IQCH: variants seen among roughly 807,000 people sequenced by gnomAD.
The protein encoded by IQCH is IQ motif containing H.
IQCH carries 98 observed loss-of-function variants against 117.0 expected under a neutral mutation model. The observed-to-expected ratio is 0.84, with a 90% CI of 0.71 to 0.99. IQCH has a LOEUF of 0.99. IQCH is among the 50% of genes least tolerant of loss of function. IQCH has a pLI of 0.00. For synonymous variants in IQCH, 412 were observed against 448.2 expected (o/e 0.92, Z 1.02); for missense variants, 1,102 against 1,243.8 (o/e 0.89, Z 1.72).
rs550145575 is a variant in IQCH, at chr15:67,338,330, GA to G, written c.508+1243del. On this transcript the variant is annotated intron_variant, in intron 5 of 20. Coordinates refer to ENST00000335894, the MANE Select transcript of IQCH (RefSeq NM_001031715.3). ...TGTAGAATTTTGGCAACTTCATCCAGAAAAAAAATCACATTTTCATTTCTAA... is the reference window on the plus strand; with the variant it reads ...TGTAGAATTTTGGCAACTTCATCCAGAAAAAAATCACATTTTCATTTCTAA... Among the ~76,000 whole-genome samples the G allele has an allele frequency of 1.4e-3, 205 of 151,756 alleles. 1 individual carries two copies. The highest frequency in any genetic ancestry group is 4.8e-3 in the African/African-American group (200 of 41,394).
intron 4 of IQCH, among the ~76,000 whole-genome samples, chr15:67,298,381 C>T (rs1443286762): frequency 6.6e-6 from 1 of 151,482 alleles, no homozygotes; most frequent in Non-Finnish European, 1.5e-5. Flanking sequence ...GGCTTAACAT[C>T]ACTGATCATC....
rs369070017 is a variant in IQCH, at chr15:67,458,291, G to A, written c.2506-6836G>A. 3.3e-5 allele frequency among the ~76,000 whole-genome samples: 5 copies of A among 152,300 alleles called. No homozygotes were observed. In the East Asian group the frequency reaches 7.7e-4, roughly 23 times the overall value. ...AATGCTATTCTTCCATTTTCTTCAGGGTGGAAGTTTTGGAGACACCTTTGG... is the reference window on the plus strand; with the variant it reads ...AATGCTATTCTTCCATTTTCTTCAGAGTGGAAGTTTTGGAGACACCTTTGG... On this transcript the variant is annotated intron_variant, in intron 16 of 20. Transcript: ENST00000335894. The surrounding 1 kb of genome is among the most constrained non-coding windows in gnomAD (Gnocchi z 4.1).
At chr15:67,307,487 A>G (rs1967359223) in intron 4 of IQCH, among the ~76,000 whole-genome samples, 1 of 129,296 alleles carries the variant, frequency 7.7e-6, no homozygotes, top group South Asian at 2.9e-4. Flanking sequence ...AAGAAGCACT[A>G]GAAGTAAGGG....
intron 4 of IQCH, among the ~76,000 whole-genome samples, chr15:67,328,212 G>C (rs1225305346): frequency 1.3e-5 from 2 of 151,952 alleles, no homozygotes; most frequent in African/African-American, 2.4e-5. Flanking sequence ...TCAGGAGAGA[G>C]AGTCTTTTAT....
intron 14 of IQCH, among the ~76,000 whole-genome samples, chr15:67,410,063 T>C (rs566585955): frequency 6.6e-6 from 1 of 152,256 alleles, no homozygotes; most frequent in South Asian, 2.1e-4. Context: ...AAGGAATGAG[T>C]GGAAACTCCA....
At chr15:67,455,567 T>A (rs1168361137) in intron 16 of IQCH, among the ~76,000 whole-genome samples, 1 of 152,228 alleles carries the variant, frequency 6.6e-6, no homozygotes, top group African/African-American at 2.4e-5. Context: ...CTCACTGCAC[T>A]GATTAGGGCC....
chr15:67,367,716 G>A (rs1439174393), intron 8 of IQCH, among the ~76,000 whole-genome samples: 1 of 152,026 alleles, frequency 6.6e-6, no homozygotes, highest in Non-Finnish European at 1.5e-5. Context: ...TGGTACGGGG[G>A]TAGGGGTCAG....
At chr15:67,334,178 T>C (rs1968790628) in intron 4 of IQCH, among the ~76,000 whole-genome samples, 1 of 152,184 alleles carries the variant, frequency 6.6e-6, no homozygotes, top group African/African-American at 2.4e-5. Flanking sequence ...TATAATATGA[T>C]TTATATTATA....
intron 17 of IQCH, among the ~76,000 whole-genome samples, chr15:67,468,713 G>T (rs557658702): frequency 6.6e-6 from 1 of 152,296 alleles, no homozygotes; most frequent in African/African-American, 2.4e-5. Context: ...TTGTTAAACT[G>T]CTACTTGGAT....
chr15:67,399,237 G>T (rs553160226), intron 13 of IQCH, among the ~76,000 whole-genome samples: 61 of 152,262 alleles, frequency 4.0e-4, no homozygotes, highest in Admixed American at 1.7e-3. Context: ...ATTTAAATTA[G>T]CAGAACCTCA....
chr15:67,361,192 A>G lies in IQCH; in HGVS notation c.753+1307A>G, dbSNP rs7183498. On this transcript the variant is annotated intron_variant, in intron 8 of 20. Coordinates refer to ENST00000335894, the MANE Select transcript of IQCH (RefSeq NM_001031715.3). ...GCTCTCTGCCTGTTCCAGGTTATGA[A>G]TGCTTCCACATGGGTCAGCTTTTCA... Among the ~76,000 whole-genome samples the G allele has an allele frequency of 4.9e-3, 742 of 152,336 alleles. 8 individuals are homozygous for G. Among genetic ancestry groups the G allele is most frequent in the African/African-American group, 0.017 (713 of 41,578 alleles).
intron 16 of IQCH, among the ~76,000 whole-genome samples, chr15:67,452,111 T>C (rs992655737): frequency 5.9e-5 from 9 of 152,188 alleles, no homozygotes; most frequent in African/African-American, 2.2e-4. Context: ...TTTGAGCCTA[T>C]GTGTGTGCCT....
intron 8 of IQCH, among the ~76,000 whole-genome samples, chr15:67,362,746 T>TG (rs536774804): frequency 8.2e-4 from 125 of 152,380 alleles, no homozygotes; most frequent in African/African-American, 2.9e-3. Flanking sequence ...AATAGGGGGC[T>TG]GTAGGCCCCT....
Position 67,417,651 on chromosome 15 carries a change from C to T in IQCH, c.2218+600C>T, listed in dbSNP as rs1451176648. ...CTCCTACTTCATCCTCATTTCCTAA[C>T]AACATTGGGTGGTCTATGAATGAGG... On this transcript the variant is annotated intron_variant, in intron 15 of 20. Coordinates refer to ENST00000335894, the MANE Select transcript of IQCH (RefSeq NM_001031715.3). The surrounding 1 kb of genome is among the most constrained non-coding windows in gnomAD (Gnocchi z 4.3). Among the ~76,000 whole-genome samples, 1 of 152,082 alleles carries T rather than the reference C, an allele frequency of 6.6e-6. No homozygotes were observed. Among genetic ancestry groups the T allele is most frequent in the Admixed American group, 6.6e-5 (1 of 15,258 alleles).
chr15:67,411,204 C>G lies in IQCH; in HGVS notation c.2098-5727C>G, dbSNP rs1239327754. On this transcript the variant is annotated intron_variant, in intron 14 of 20. Transcript: ENST00000335894. This position sits in a 1 kb window ranked among gnomAD's most constrained non-coding sequence, Gnocchi z 4.4. ...TCTCAATCTGTACCACTAGCTGATTCAAATCCGGAGCACCTTTCATGGTGC... is the reference window on the plus strand; with the variant it reads ...TCTCAATCTGTACCACTAGCTGATTGAAATCCGGAGCACCTTTCATGGTGC... Among the ~76,000 whole-genome samples, 1 of 152,162 alleles carries G rather than the reference C, an allele frequency of 6.6e-6. No individual in the cohort carries two copies. Among genetic ancestry groups the G allele is most frequent in the African/African-American group, 2.4e-5 (1 of 41,450 alleles).
In IQCH at chr15:67,393,065, T is replaced by TA. The variant is rs200331155; in HGVS notation, c.1633-2226_1633-2225insA. Among the ~76,000 whole-genome samples the TA allele has an allele frequency of 3.4e-4, 52 of 152,298 alleles. No homozygotes were observed. The East Asian group carries it at 9.8e-3, about 29-fold the overall frequency. On this transcript the variant is annotated intron_variant, in intron 12 of 20. Transcript: ENST00000335894. The surrounding 1 kb of genome is among the most constrained non-coding windows in gnomAD (Gnocchi z 5.5). Reference sequence around the variant, plus strand: ...CATTACCACTATCAATTTCAGAACTTTTTATCATCCCAAGAAGAAACTCTG... The same window carrying TA: ...CATTACCACTATCAATTTCAGAACTTATTTATCATCCCAAGAAGAAACTCTG...
Position 67,432,167 on chromosome 15 carries a change from G to A in IQCH, c.2505+10590G>A, listed in dbSNP as rs2082034515. Among the ~76,000 whole-genome samples, 1 of 152,092 alleles carries A rather than the reference G, an allele frequency of 6.6e-6. No homozygotes were observed. The highest frequency in any genetic ancestry group is 6.6e-5 in the Admixed American group (1 of 15,256). Reference sequence around the variant, plus strand: ...AAATTAAAGAAAATCCAAGCTTTAAGAAGAATTGATATGAAAACTAGCTAT... The same window carrying A: ...AAATTAAAGAAAATCCAAGCTTTAAAAAGAATTGATATGAAAACTAGCTAT... On this transcript the variant is annotated intron_variant, in intron 16 of 20. Coordinates refer to ENST00000335894, the MANE Select transcript of IQCH (RefSeq NM_001031715.3). The surrounding 1 kb of genome is among the most constrained non-coding windows in gnomAD (Gnocchi z 5.0).
Position 67,465,296 on chromosome 15 carries a change from C to G in IQCH, c.2675C>G (p.Pro892Arg). Reference sequence around the variant, plus strand: ...AAATGCATGAGTGCGCTGTCAATGCCGGTAAGCAAGAGGTGCTTCCTGAAG... The same window carrying G: ...AAATGCATGAGTGCGCTGTCAATGCGGGTAAGCAAGAGGTGCTTCCTGAAG... ...KTKCMSALSMPMLATSRYAVM... is the reference protein window; with the variant it reads ...KTKCMSALSMRMLATSRYAVM... The change falls in exon 17 of 21, where the codon CCG (proline) becomes CGG (arginine). Residue 892 changes from proline to arginine, a missense_variant and splice_region_variant. Around this residue, in one of 2 missense-constraint regions of IQCH, gnomAD observed 650 missense variants for 794.3 expected, o/e 0.82. Transcript: ENST00000335894. This position sits in a 1 kb window ranked among gnomAD's most constrained non-coding sequence, Gnocchi z 5.9. 6.2e-7 allele frequency: 1 copy of G among 1,612,494 alleles called. No individual in the cohort carries two copies.
At chr15:67,255,055 G>T in intron 1 of IQCH, 108 bp downstream of exon 1, 1 of 1,098,810 alleles carries the variant, frequency 9.1e-7, no homozygotes, top group Non-Finnish European at 1.4e-6. Context: ...GCCGCCCCTA[G>T]ACTCCCTCCA....
Sources: gnomAD v4.1 joint callset for allele counts (sites outside exome capture counted in the v4.1 genomes callset) on GRCh38, gnomAD v4.1.1 for gene constraint, gnomAD v4.1.1 regional missense constraint, Gnocchi (gnomAD v3.1) non-coding constraint, MANE v1.5 for transcripts, NCBI Gene and HGNC (gene_info 2026-07-23, HGNC 2026-07-21) for gene names.